Variants in WDR74 observed in about 807,000 individuals in gnomAD.
The protein encoded by WDR74 is WD repeat domain 74, also known as WD repeat-containing protein 74.
WDR74 carries 31 observed loss-of-function variants against 45.6 expected under a neutral mutation model. That is an observed-to-expected ratio of 0.68 (90% CI 0.51 to 0.92). The LOEUF is 0.92. Among genes scored for constraint, WDR74 ranks in the 40% least tolerant of loss-of-function variants. The probability of loss-of-function intolerance (pLI) is 0.00; values close to 1 mark genes in which losing one functional copy is unlikely to be tolerated. For missense variants in WDR74, 455 were observed against 497.2 expected (o/e 0.92, Z 0.81); for synonymous variants, 191 against 192.4 (o/e 0.99, Z 0.06).
upstream of WDR74, chr11:62,841,726 G>C (rs1032730630): frequency 6.6e-5 from 10 of 152,116 alleles, no homozygotes; most frequent in African/African-American, 1.2e-4. Context: ...TTAATATATT[G>C]TCCTCGGATA....
upstream of WDR74, chr11:62,841,679 C>A (rs922311302): frequency 6.6e-6 from 1 of 152,034 alleles, no homozygotes. Flanking sequence ...GTGGACGGAG[C>A]AAGCTCCTAT....
At chr11:62,837,313 T>G (rs2084972976) in intron 3 of WDR74, among the ~76,000 whole-genome samples, 1 of 151,932 alleles carries the variant, frequency 6.6e-6, no homozygotes, top group Non-Finnish European at 1.5e-5. Flanking sequence ...GCCAACATAG[T>G]GAAACCCTGT....
chr11:62,839,327 T>A lies in WDR74; in HGVS notation c.166A>T (p.Thr56Ser). Residue 56 changes from threonine to serine, a missense_variant, in exon 2 of 11, where the codon ACC becomes TCC. Coordinates refer to ENST00000278856, the MANE Select transcript of WDR74 (RefSeq NM_001369450.1). ...CCCGACCAGGGGCCACTCACCTGGG[T>A]CTCGCCGCCGGTGCCCCAACACAGG... ...SALCWGTGGE[T>S]QMLVGCADRT... 6.2e-7 allele frequency: 1 copy of A among 1,610,616 alleles called. No homozygotes were observed. The highest frequency in any genetic ancestry group is 8.5e-7 in the Non-Finnish European group (1 of 1,179,540).
rs1161239804 is a variant in WDR74 at position 62,839,191 on chromosome 11, G to A, written c.216C>T (p.Thr72=). Residue 72 remains threonine (T), a synonymous_variant, in exon 3 of 11, where the codon ACC becomes ACT. Coordinates refer to ENST00000278856, the MANE Select transcript of WDR74 (RefSeq NM_001369450.1). ...CADRTVKHFS[T]EDGIFQGQRH... is the part of the protein sequence containing the mutation. ...TCTGACCCTGGAATATGCCATCCTC[G>A]GTGCTGAAGTGCTTCACCGTCCTGT... The A allele has an allele frequency of 6.2e-7, 1 of 1,613,752 alleles. No homozygotes were observed.
chr11:62,841,728 C>G (rs534780060), upstream of WDR74: 1 of 152,182 alleles, frequency 6.6e-6, no homozygotes, highest in African/African-American at 2.4e-5. Flanking sequence ...AATATATTGT[C>G]CTCGGATAGA....
intron 10 of WDR74, 114 bp downstream of exon 10, chr11:62,833,504 G>T: frequency 7.9e-7 from 1 of 1,258,056 alleles, no homozygotes; most frequent in Non-Finnish European, 1.1e-6. Context: ...TAAGTGACCA[G>T]GCAGGTAAAC....
upstream of WDR74, chr11:62,841,631 G>C (rs574334957): frequency 1.3e-5 from 2 of 152,208 alleles, no homozygotes; most frequent in Non-Finnish European, 2.9e-5. Flanking sequence ...AGAGTGCACC[G>C]TTCCTGGAAG....
intron 6 of WDR74, chr11:62,834,815 G>C: frequency 4.6e-6 from 2 of 432,476 alleles, no homozygotes; most frequent in Non-Finnish European, 4.2e-6. Flanking sequence ...AGAAAAGCAA[G>C]TTGGTCTAGT....
At chr11:62,837,496 A>G (rs1471562369) in intron 3 of WDR74, among the ~76,000 whole-genome samples, 3 of 149,642 alleles carry the variant, frequency 2.0e-5, no homozygotes, top group Non-Finnish European at 4.4e-5. Context: ...GACTCCGTAT[A>G]TAAAAAAAAA....
At position 62,835,782 on chromosome 11, in the gene WDR74, G is replaced by A. The variant is rs2084950381; in HGVS notation, c.429C>T (p.Pro143=). 2.5e-6 allele frequency: 4 copies of A among 1,613,720 alleles called. No homozygotes were observed. Among genetic ancestry groups the A allele is most frequent in the Non-Finnish European group, 3.4e-6 (4 of 1,179,796 alleles). ...CTTTCCCACCTGTGGCAACCACATGGGGGTGTGCTGGGTCTTGGCGCATCC... is the reference window on the plus strand; with the variant it reads ...CTTTCCCACCTGTGGCAACCACATGAGGGTGTGCTGGGTCTTGGCGCATCC... The part of the protein sequence containing the change: ...VCRMRQDPAH[P]HVVATGGKEN... Residue 143 remains proline, a synonymous_variant, in exon 5 of 11, where the codon CCC becomes CCT. Coordinates refer to ENST00000278856, the MANE Select transcript of WDR74 (RefSeq NM_001369450.1).
rs2085012740 is a variant in WDR74, at chr11:62,839,424, T to A, written c.69A>T (p.Val23=). ...TCGCCGCCTGTTTTCGCTGAAGATT[T>A]ACCCCTGAGAGACGAAGGCGTCAGT... ...VGTETGILKG[V]NLQRKQAANF... is the part of the protein sequence containing the mutation. The change falls in exon 2 of 11, where the codon GTA becomes GTT. Residue 23 remains valine, a synonymous_variant. Coordinates refer to ENST00000278856, the MANE Select transcript of WDR74 (RefSeq NM_001369450.1). 1.9e-6 allele frequency: 3 copies of A among 1,613,294 alleles called. No individual in the cohort carries two copies. The highest frequency in any genetic ancestry group is 2.5e-6 in the Non-Finnish European group (3 of 1,179,848).
upstream of WDR74, chr11:62,839,921 G>C: frequency 4.0e-6 from 1 of 252,102 alleles, no homozygotes; most frequent in South Asian, 9.3e-5. Flanking sequence ...AAACACTTTA[G>C]AAACGATTCA....
At position 62,839,164 on chromosome 11, in the gene WDR74, T is replaced by A. The variant is rs780935672; in HGVS notation, c.243A>T (p.Arg81Ser). The change falls in exon 3 of 11, where the codon AGA becomes AGT. Residue 81 changes from arginine to serine, a missense_variant. Transcript: ENST00000278856. ...ACATGCCCTCCCCGCCCGGGCAGTG[T>A]CTCTGACCCTGGAATATGCCATCCT... Reference protein sequence around the residue: ...STEDGIFQGQRHCPGGEGMFR... With the variant: ...STEDGIFQGQSHCPGGEGMFR... 6.2e-7 allele frequency: 1 copy of A among 1,613,738 alleles called. No homozygotes were observed. The highest frequency in any genetic ancestry group is 1.7e-5 in the Admixed American group (1 of 60,016).
chr11:62,837,515 C>CAAAA, intron 3 of WDR74, among the ~76,000 whole-genome samples: 1 of 130,484 alleles, frequency 7.7e-6, no homozygotes, highest in East Asian at 2.2e-4. Flanking sequence ...AAACAAAAAA[C>CAAAA]AAAAAAAAAA....
Position 62,834,527 on chromosome 11 carries a change from C to T in WDR74, c.619G>A (p.Val207Ile), listed in dbSNP as rs1197174736. The part of the protein sequence containing the change: ...KLVTCTGYHQ[V>I]RVYDPASPQR... The stretch of plus-strand genomic sequence containing the variant: ...GGGGATGCTGGATCATAAACACGGA[C>T]CTAGAGGAAGGCTGAAGCATCACAA... The change falls in exon 7 of 11, where the codon GTC becomes ATC. Residue 207 changes from valine (V) to isoleucine (I), a missense_variant and splice_region_variant. Transcript: ENST00000278856. The T allele has an allele frequency of 6.2e-7, 1 of 1,605,902 alleles. No individual in the cohort carries two copies. The highest frequency in any genetic ancestry group is 2.2e-5 in the East Asian group (1 of 44,862).
chr11:62,834,550 C>G (rs1449196921), intron 6 of WDR74, 23 bp from the exon 7 acceptor site: 1 of 1,592,264 alleles, frequency 6.3e-7, no homozygotes, highest in Non-Finnish European at 8.5e-7. Flanking sequence ...TGAAGCATCA[C>G]AAAAGTATCC....
rs115103965 is a variant in WDR74, at chr11:62,837,057, C to T, written c.294-1021G>A. On this transcript the variant is annotated intron_variant, in intron 3 of 10. Coordinates refer to ENST00000278856, the MANE Select transcript of WDR74 (RefSeq NM_001369450.1). ...TGCCACTGCACTTCAGCCTCAGTGA[C>T]AGAGCAAGACTCCGTCTCTCAGAAA... Among the ~76,000 whole-genome samples the T allele has an allele frequency of 9.4e-3, 1,427 of 152,226 alleles. 20 individuals are homozygous for T. The highest frequency in any genetic ancestry group is 0.033 in the African/African-American group (1,358 of 41,524).
intron 9 of WDR74, 54 bp downstream of exon 9, chr11:62,833,738 C>A: frequency 6.2e-7 from 1 of 1,600,466 alleles, no homozygotes; most frequent in East Asian, 2.3e-5. Flanking sequence ...ACGGAGGGCA[C>A]AGGAGGCGGG....
rs753845556 is a variant in WDR74 at position 62,839,274 on chromosome 11, C to G, written c.172-39G>C. The G allele has an allele frequency of 9.9e-6, 16 of 1,612,012 alleles. No homozygotes were observed. In the Admixed American group the frequency reaches 2.5e-4, roughly 25 times the overall value. On this transcript the variant is annotated intron_variant, in intron 2 of 10. Coordinates refer to ENST00000278856, the MANE Select transcript of WDR74 (RefSeq NM_001369450.1). ...GGGCAAGATGGCGAGGAGAGCGAGG[C>G]TGCTGCGCCCCAGGCCCCCAGCTCC...
Sources: gnomAD v4.1 joint callset for allele counts (sites outside exome capture counted in the v4.1 genomes callset) on GRCh38, gnomAD v4.1.1 for gene constraint, MANE v1.5 for transcripts, NCBI Gene and HGNC (gene_info 2026-07-23, HGNC 2026-07-21) for gene names.